The following ITGAL variants were observed in gnomAD, a reference collection of about 807,000 sequenced individuals.
ITGAL encodes integrin alpha-L.
ITGAL carries 68 observed loss-of-function variants against 138.4 expected under a neutral mutation model. That is an observed-to-expected ratio of 0.49 (90% CI 0.40 to 0.60). The LOEUF is 0.60. ITGAL is among the 20% of genes least tolerant of loss of function. The pLI, the probability that ITGAL is intolerant of heterozygous loss-of-function variation, is 0.00. For missense variants in ITGAL, 1,256 were observed against 1,478.6 expected (o/e 0.85, Z 2.47); for synonymous variants, 561 against 584.3 (o/e 0.96, Z 0.57).
intron 21 of ITGAL, among the ~76,000 whole-genome samples, chr16:30,509,112 G>T (rs955621609): frequency 6.6e-6 from 1 of 151,370 alleles, no homozygotes. Context: ...AGGAGGTGGA[G>T]GTTCAGTGAG....
intron 17 of ITGAL, among the ~76,000 whole-genome samples, chr16:30,502,497 A>G (rs1239634218): frequency 2.6e-5 from 4 of 151,638 alleles, no homozygotes; most frequent in Non-Finnish European, 5.9e-5. Flanking sequence ...CAGTAATCCC[A>G]GCACTTTGGG....
Position 30,496,271 on chromosome 16 carries a change from G to A in ITGAL, c.1678G>A (p.Gly560Arg). ...AVYIFNGRHG[G>R]LSPQPSQRIE... ...GTACATCTTCAATGGGAGGCACGGG[G>A]GGCTTAGTCCCCAGCCAAGTCAGGT... Residue 560 changes from glycine to arginine, a missense_variant, in exon 14 of 31, where the codon GGG becomes AGG. This residue lies in a region of ITGAL where 867 missense variants were observed against 972.5 expected (regional missense o/e 0.89). Transcript: ENST00000356798. The A allele has an allele frequency of 6.2e-7, 1 of 1,601,452 alleles. No homozygotes were observed.
At chr16:30,478,015 T>C (rs1567462193) in intron 4 of ITGAL, among the ~76,000 whole-genome samples, 1 of 143,478 alleles carries the variant, frequency 7.0e-6, no homozygotes, top group African/African-American at 2.6e-5. Flanking sequence ...AAAAGAAAGA[T>C]GAAGGAAGGA....
intron 2 of ITGAL, 60 bp from the exon 3 acceptor site, chr16:30,475,246 G>A (rs758935508): frequency 3.4e-6 from 4 of 1,166,276 alleles, no homozygotes; most frequent in Non-Finnish European, 5.1e-6. Context: ...TCCTTAGCAG[G>A]CAGGAGTAGA....
In ITGAL at chr16:30,496,008, T is replaced by C. The variant is rs1433469242; in HGVS notation, c.1504-89T>C. On this transcript the variant is annotated intron_variant, in intron 13 of 30. Transcript: ENST00000356798. ...CATTCCAATTCTGTGAGGGACCCCA[T>C]CTTACGTTTCTTTAGCATTCTTCAC... is the stretch of plus-strand genomic sequence containing the variant. 3.7e-6 allele frequency: 4 copies of C among 1,084,016 alleles called. No homozygotes were observed. The African/African-American group carries it at 6.2e-5, about 17-fold the overall frequency. The allele number at this position is 1,084,016 out of a possible 1,614,324, so 67.1% of individuals were successfully genotyped here.
At chr16:30,513,374 G>A (rs997536606) in intron 24 of ITGAL, among the ~76,000 whole-genome samples, 2 of 152,230 alleles carry the variant, frequency 1.3e-5, no homozygotes, top group African/African-American at 4.8e-5. Flanking sequence ...GCAGGTGAGT[G>A]GCAGGACTAG....
At chr16:30,491,461 C>T (rs758655821) in intron 11 of ITGAL, among the ~76,000 whole-genome samples, 1 of 152,026 alleles carries the variant, frequency 6.6e-6, no homozygotes, top group Non-Finnish European at 1.5e-5. Context: ...CCACTATACA[C>T]ACACATAAAT....
Position 30,484,123 on chromosome 16 carries a change from A to G in ITGAL, c.866A>G (p.His289Arg). Reference protein sequence around the residue: ...IIRYIIGIGKHFQTKESQETL... With the variant: ...IIRYIIGIGKRFQTKESQETL... ...TCCACTCCCTCACAGATTGGAAAGCATTTTCAGACCAAGGAGAGTCAGGAG... is the reference window on the plus strand; with the variant it reads ...TCCACTCCCTCACAGATTGGAAAGCGTTTTCAGACCAAGGAGAGTCAGGAG... The change falls in exon 9 of 31, where the codon CAT becomes CGT. Residue 289 changes from histidine (H) to arginine (R), a missense_variant. Transcript: ENST00000356798. 1.2e-6 allele frequency: 2 copies of G among 1,613,832 alleles called. No homozygotes were observed. Among genetic ancestry groups the G allele is most frequent in the Non-Finnish European group, 1.7e-6 (2 of 1,179,858 alleles).
intron 21 of ITGAL, among the ~76,000 whole-genome samples, chr16:30,508,093 A>G (rs2051032339): frequency 6.6e-6 from 1 of 150,440 alleles, no homozygotes; most frequent in Non-Finnish European, 1.5e-5. Flanking sequence ...TATTTTTAGT[A>G]GAGACGGGGT....
intron 13 of ITGAL, among the ~76,000 whole-genome samples, chr16:30,495,346 G>T (rs2050784637): frequency 6.6e-6 from 1 of 152,042 alleles, no homozygotes. Flanking sequence ...TCTTAGTAGA[G>T]ACCATGTTTC....
chr16:30,489,341 A>G lies in ITGAL; in HGVS notation c.1168A>G (p.Ile390Val). 6.2e-7 allele frequency: 1 copy of G among 1,614,092 alleles called. No individual in the cohort carries two copies. The highest frequency in any genetic ancestry group is 8.5e-7 in the Non-Finnish European group (1 of 1,179,986). The change falls in exon 11 of 31, where the codon ATT becomes GTT. Residue 390 changes from isoleucine to valine, a missense_variant. Coordinates refer to ENST00000356798, the MANE Select transcript of ITGAL (RefSeq NM_002209.3). ...LKADLQDDTF[I>V]GNEPLTPEVR... ...GGCAGACCTGCAGGATGACACATTTATTGGGAATGAACCATTGACACCAGA... is the reference window on the plus strand; with the variant it reads ...GGCAGACCTGCAGGATGACACATTTGTTGGGAATGAACCATTGACACCAGA...
Position 30,494,670 on chromosome 16 carries a change from T to A in ITGAL, c.1366-43T>A. 6.4e-7 allele frequency: 1 copy of A among 1,566,898 alleles called. No homozygotes were observed. Among genetic ancestry groups the A allele is most frequent in the Non-Finnish European group, 8.7e-7 (1 of 1,154,070 alleles). On this transcript the variant is annotated intron_variant, in intron 12 of 30. Transcript: ENST00000356798. This position sits in a 1 kb window ranked among gnomAD's most constrained non-coding sequence, Gnocchi z 4.2. ...CAGGTATCTCCCTGCCAACCCCTGC[T>A]GTTCCCACAGGCGCTTCCCCAAACA...
chr16:30,478,964 G>T, intron 4 of ITGAL, 127 bp from the exon 5 acceptor site: 2 of 727,860 alleles, frequency 2.7e-6, no homozygotes, highest in Admixed American at 2.2e-5. Context: ...CCTTGCCTTG[G>T]TAACCAGTTG....
chr16:30,501,684 G>GT (rs59470507), intron 17 of ITGAL, among the ~76,000 whole-genome samples: 152,223 of 152,228 alleles, frequency 1, 76,109 homozygotes, highest in Middle Eastern at 1. Context: ...AAAACTTAGG[G>GT]ATTTTTTAAA....
intron 30 of ITGAL, 37 bp from the exon 31 acceptor site, chr16:30,521,455 T>C: frequency 6.3e-7 from 1 of 1,590,248 alleles, no homozygotes; most frequent in Non-Finnish European, 8.6e-7. Flanking sequence ...AAGTGCTCAG[T>C]GAATTCTTTG....
intron 17 of ITGAL, among the ~76,000 whole-genome samples, chr16:30,503,440 T>TC (rs1333874942): frequency 1.5e-4 from 16 of 104,280 alleles, no homozygotes; most frequent in Admixed American, 9.3e-4. Context: ...GTTTTCATTT[T>TC]CTTTTTTTTT....
intron 21 of ITGAL, among the ~76,000 whole-genome samples, chr16:30,510,076 C>G: frequency 6.6e-6 from 1 of 151,882 alleles, no homozygotes; most frequent in Non-Finnish European, 1.5e-5. Flanking sequence ...GAGATGGGGT[C>G]TCACTCTTGC....
At chr16:30,507,006 G>C (rs1250984725) in intron 21 of ITGAL, 150 bp downstream of exon 21, 1 of 824,820 alleles carries the variant, frequency 1.2e-6, no homozygotes, top group Non-Finnish European at 1.9e-6. Context: ...CCAGCCTCGA[G>C]CTGTATGATC....
Position 30,499,059 on chromosome 16 carries a change from C to T in ITGAL, c.1833-15C>T. On this transcript the variant is annotated splice_polypyrimidine_tract_variant and intron_variant, in intron 15 of 30. Transcript: ENST00000356798. Reference sequence around the variant, plus strand: ...TGGGTTGGAGGGAGAGAGTTGGTTGCCTTCTGCCCTGCAGCTCCCGGCCCG... The same window carrying T: ...TGGGTTGGAGGGAGAGAGTTGGTTGTCTTCTGCCCTGCAGCTCCCGGCCCG... The T allele has an allele frequency of 6.2e-7, 1 of 1,611,912 alleles. No homozygotes were observed. Among genetic ancestry groups the T allele is most frequent in the Non-Finnish European group, 8.5e-7 (1 of 1,178,902 alleles).
Sources: allele counts gnomAD v4.1 joint callset (sites outside exome capture counted in the v4.1 genomes callset), GRCh38; gene constraint gnomAD v4.1.1; regional missense constraint gnomAD v4.1.1; non-coding constraint Gnocchi (gnomAD v3.1); transcripts MANE v1.5; gene names NCBI Gene and HGNC (gene_info 2026-07-23, HGNC 2026-07-21).